CSNK1G1: variants seen among roughly 807,000 people sequenced by gnomAD.
The protein encoded by CSNK1G1 is casein kinase 1 gamma 1.
In CSNK1G1, 22 loss-of-function variants were observed where a neutral mutation model predicts 59.6. The observed-to-expected ratio is 0.37, with a 90% CI of 0.26 to 0.53. The LOEUF (loss-of-function observed/expected upper bound fraction) is 0.53. Ranked by LOEUF, CSNK1G1 falls within the 20% of genes least tolerant of loss-of-function variation. The pLI, the probability that CSNK1G1 is intolerant of heterozygous loss-of-function variation, is 0.89. For missense variants in CSNK1G1, 384 were observed against 519.5 expected, an observed-to-expected ratio of 0.74 and a Z score of 2.54; for synonymous variants, 179 against 177.1, an observed-to-expected ratio of 1.01 and a Z score of -0.08.
intron 10 of CSNK1G1, among the ~76,000 whole-genome samples, chr15:64,184,032 AGTGGCTCACGCCT>A (rs1480536072): frequency 6.6e-6 from 1 of 152,108 alleles, no homozygotes; most frequent in African/African-American, 2.4e-5. Context: ...GGCCGGGTGC[AGTGGCTCACGCCT>A]GTAATCCCAG....
intron 1 of CSNK1G1, among the ~76,000 whole-genome samples, chr15:64,345,938 G>A (rs2140483930): frequency 6.6e-6 from 1 of 152,164 alleles, no homozygotes; most frequent in Non-Finnish European, 1.5e-5. Flanking sequence ...CTACAGGCAT[G>A]CGCCACCACA....
chr15:64,334,388 C>T (rs1397151594), intron 1 of CSNK1G1, among the ~76,000 whole-genome samples: 1 of 152,108 alleles, frequency 6.6e-6, no homozygotes, highest in Non-Finnish European at 1.5e-5. Context: ...ACAATTTTTC[C>T]ACAGACTGGG....
intron 4 of CSNK1G1, among the ~76,000 whole-genome samples, chr15:64,237,490 C>G (rs2082631863): frequency 6.6e-6 from 1 of 152,132 alleles, no homozygotes; most frequent in Admixed American, 6.5e-5. Context: ...CTAAGCACTC[C>G]TAGAGGACAA....
intron 1 of CSNK1G1, among the ~76,000 whole-genome samples, chr15:64,304,412 A>G (rs1049391819): frequency 4.0e-5 from 6 of 151,510 alleles, no homozygotes; most frequent in African/African-American, 1.5e-4. Context: ...AAAAGGAAAG[A>G]AAACGAAAGA....
In CSNK1G1 at chr15:64,229,902, ATTTTTTTTTTTTTTTTTTT is replaced by A. The variant is rs533868270; in HGVS notation, c.293-13208_293-13190del. On this transcript the variant is annotated intron_variant, in intron 4 of 11. Transcript: ENST00000303052. ...CCTATATTTTTGGGCATGTTTGTAA[ATTTTTTTTTTTTTTTTTTT>A]TTTTTTTTTTTTTTTTTTAAGACAG... Among the ~76,000 whole-genome samples the A allele has an allele frequency of 1.9e-3, 82 of 43,808 alleles. 2 individuals are homozygous for A. Among genetic ancestry groups the A allele is most frequent in the South Asian group, 3.5e-3 (3 of 854 alleles). 28.7% of individuals were successfully genotyped at this position (43,808 alleles called of 152,430 possible).
intron 2 of CSNK1G1, among the ~76,000 whole-genome samples, chr15:64,290,537 C>T (rs756945246): frequency 8.6e-5 from 13 of 151,998 alleles, no homozygotes; most frequent in Non-Finnish European, 1.6e-4. Flanking sequence ...AATGTGTACA[C>T]ATGGACACAG....
At chr15:64,209,565 AC>A (rs2082225405) in intron 6 of CSNK1G1, among the ~76,000 whole-genome samples, 1 of 152,202 alleles carries the variant, frequency 6.6e-6, no homozygotes, top group African/African-American at 2.4e-5. Context: ...AACAATTGAA[AC>A]AATCTTAAAA....
At chr15:64,294,242 C>T (rs1894893195) in intron 2 of CSNK1G1, among the ~76,000 whole-genome samples, 1 of 151,722 alleles carries the variant, frequency 6.6e-6, no homozygotes, top group South Asian at 2.1e-4. Flanking sequence ...CCGGCTAATT[C>T]TTTGTATTTT....
At chr15:64,264,320 T>C (rs1036922615) in intron 2 of CSNK1G1, among the ~76,000 whole-genome samples, 3 of 152,020 alleles carry the variant, frequency 2.0e-5, no homozygotes, top group African/African-American at 4.8e-5. Context: ...CCTACCAAGA[T>C]TGAGTCAGAA....
chr15:64,311,299 G>A (rs1439720353), intron 1 of CSNK1G1, among the ~76,000 whole-genome samples: 1 of 152,100 alleles, frequency 6.6e-6, no homozygotes, highest in Non-Finnish European at 1.5e-5. Flanking sequence ...GCCTGCCTCA[G>A]CCTCCCAAAG....
At chr15:64,187,149 G>A (rs929074208) in intron 10 of CSNK1G1, among the ~76,000 whole-genome samples, 1 of 151,750 alleles carries the variant, frequency 6.6e-6, no homozygotes. Context: ...ACTTTCTGTA[G>A]AGATGAGCTC....
chr15:64,293,918 G>T (rs1173316813), intron 2 of CSNK1G1, among the ~76,000 whole-genome samples: 2 of 152,118 alleles, frequency 1.3e-5, no homozygotes, highest in Non-Finnish European at 2.9e-5. Flanking sequence ...CAAAAAAGTT[G>T]GGGACTGCAG....
chr15:64,340,989 C>CTTT (rs908101815), intron 1 of CSNK1G1, among the ~76,000 whole-genome samples: 2 of 10,512 alleles, frequency 1.9e-4, no homozygotes, highest in African/African-American at 2.9e-4. Context: ...TAATTTTTAT[C>CTTT]TTTTTTTTTT....
chr15:64,341,880 T>C (rs1897699072), intron 1 of CSNK1G1, among the ~76,000 whole-genome samples: 1 of 152,220 alleles, frequency 6.6e-6, no homozygotes, highest in African/African-American at 2.4e-5. Flanking sequence ...ACTCTTCTAA[T>C]TTAGTCAGCA....
At chr15:64,191,405 T>A (rs1414735258) in intron 10 of CSNK1G1, among the ~76,000 whole-genome samples, 1 of 152,128 alleles carries the variant, frequency 6.6e-6, no homozygotes, top group Admixed American at 6.5e-5. Flanking sequence ...GCTGGAAATG[T>A]ATGTTCATGT....
chr15:64,236,142 CAAAA>C (rs532663571), intron 4 of CSNK1G1, among the ~76,000 whole-genome samples: 1 of 68,028 alleles, frequency 1.5e-5, no homozygotes, highest in African/African-American at 4.3e-5. Context: ...GACTCCATCT[CAAAA>C]AAAAAAAAAA....
chr15:64,206,547 C>CA (rs2082183382), intron 7 of CSNK1G1, among the ~76,000 whole-genome samples: 1 of 118,664 alleles, frequency 8.4e-6, no homozygotes, highest in South Asian at 2.9e-4. Context: ...GTGGAGGTTG[C>CA]AGCGAGCCCA....
At chr15:64,302,907 GT>G (rs1289516783) in intron 1 of CSNK1G1, among the ~76,000 whole-genome samples, 1 of 152,044 alleles carries the variant, frequency 6.6e-6, no homozygotes, top group Non-Finnish European at 1.5e-5. Flanking sequence ...TTTGCTCACT[GT>G]TTTTTCCAAC....
At chr15:64,303,998 CTT>C (rs1895521871) in intron 1 of CSNK1G1, among the ~76,000 whole-genome samples, 1 of 151,424 alleles carries the variant, frequency 6.6e-6, no homozygotes, top group Non-Finnish European at 1.5e-5. Context: ...AGAACAATCA[CTT>C]TACTTCCCAC....
Sources: gnomAD v4.1 joint callset for allele counts (sites outside exome capture counted in the v4.1 genomes callset) on GRCh38, gnomAD v4.1.1 for gene constraint, MANE v1.5 for transcripts, NCBI Gene and HGNC (gene_info 2026-07-23, HGNC 2026-07-21) for gene names.